Variants in NFX1 observed in about 807,000 individuals in gnomAD.
The protein encoded by NFX1 is nuclear transcription factor, X-box binding 1.
In NFX1, 69 loss-of-function variants were observed where a neutral mutation model predicts 137.2. The ratio of observed to expected loss-of-function variants is 0.50; its 90% CI spans 0.41 to 0.61. NFX1 has a LOEUF of 0.61. Ranked by LOEUF, NFX1 falls within the 20% of genes least tolerant of loss-of-function variation. NFX1 has a pLI of 0.00. For synonymous variants in NFX1, 495 were observed against 474.1 expected, an observed-to-expected ratio of 1.04 and a Z score of -0.57; for missense variants, 1,167 against 1,391.0, an observed-to-expected ratio of 0.84 and a Z score of 2.56.
At chr9:33,296,683 T>C (rs1821366874) in intron 2 of NFX1, among the ~76,000 whole-genome samples, 1 of 152,234 alleles carries the variant, frequency 6.6e-6, no homozygotes, top group Non-Finnish European at 1.5e-5. Context: ...TGCAGTGAGC[T>C]ATTGTACTCC....
chr9:33,302,716 C>T (rs1160127963), intron 3 of NFX1, among the ~76,000 whole-genome samples: 4 of 151,600 alleles, frequency 2.6e-5, no homozygotes, highest in Non-Finnish European at 5.9e-5. Context: ...GTTGCCCAGG[C>T]TGGAGTGCAG....
At chr9:33,294,001 A>C (rs1467871695) in intron 1 of NFX1, among the ~76,000 whole-genome samples, 1 of 152,210 alleles carries the variant, frequency 6.6e-6, no homozygotes, top group Non-Finnish European at 1.5e-5. Flanking sequence ...ACTTTAACCC[A>C]TTTTGGCTTA....
intron 1 of NFX1, among the ~76,000 whole-genome samples, chr9:33,293,671 G>T (rs894287632): frequency 2.0e-5 from 3 of 152,154 alleles, no homozygotes; most frequent in African/African-American, 7.2e-5. Flanking sequence ...TTTTGTCTTT[G>T]TGCTTCAGGG....
At chr9:33,295,578 C>G in intron 2 of NFX1, 151 bp downstream of exon 2, 1 of 889,250 alleles carries the variant, frequency 1.1e-6, no homozygotes, top group Non-Finnish European at 1.7e-6. Flanking sequence ...TAAGTTCTAC[C>G]ACCACTCGCT....
At chr9:33,317,654 T>G (rs1822218579) in intron 7 of NFX1, among the ~76,000 whole-genome samples, 1 of 150,040 alleles carries the variant, frequency 6.7e-6, no homozygotes, top group African/African-American at 2.5e-5. Flanking sequence ...CAAAGTGAGA[T>G]CCTGTCTTTA....
intron 15 of NFX1, chr9:33,347,572 A>C: frequency 5.1e-6 from 1 of 196,198 alleles, no homozygotes; most frequent in East Asian, 1.5e-4. Flanking sequence ...ACACTTTTAC[A>C]CTGCTGGTGG....
chr9:33,366,368 A>T (rs1824169108), intron 21 of NFX1, among the ~76,000 whole-genome samples: 1 of 152,172 alleles, frequency 6.6e-6, no homozygotes. Context: ...CTGTCTACCT[A>T]AGTCGCAGTT....
chr9:33,367,842 C>G (rs544552914), intron 23 of NFX1, among the ~76,000 whole-genome samples: 114 of 152,326 alleles, frequency 7.5e-4, no homozygotes, highest in African/African-American at 2.6e-3. Context: ...AGAGAGCAGT[C>G]ACTGGACATA....
At chr9:33,359,361 G>C (rs12236764) in intron 19 of NFX1, among the ~76,000 whole-genome samples, 21,262 of 152,134 alleles carry the variant, frequency 0.14, 1,826 homozygotes, top group East Asian at 0.21. Flanking sequence ...CACTTTGGGA[G>C]ACTGAGGCGG....
At chr9:33,361,014 G>C (rs1028407274) in intron 19 of NFX1, among the ~76,000 whole-genome samples, 6 of 152,130 alleles carry the variant, frequency 3.9e-5, no homozygotes, top group African/African-American at 1.4e-4. Context: ...GGCACTAAGT[G>C]GCATTTCTGG....
Position 33,352,442 on chromosome 9 carries a change from G to T in NFX1, c.2656-204G>T, listed in dbSNP as rs563258642. 8.9e-6 allele frequency: 6 copies of T among 671,858 alleles called. 1 individual carries two copies. Among genetic ancestry groups the T allele is most frequent in the South Asian group, 7.5e-5 (5 of 66,486 alleles). 41.6% of individuals were successfully genotyped at this position (671,858 alleles called of 1,614,324 possible). On this transcript the variant is annotated intron_variant, in intron 16 of 23. Coordinates refer to ENST00000379540, the MANE Select transcript of NFX1 (RefSeq NM_002504.6). ...GAACAGAGGTGGTTTCCAAAAGGGG[G>T]CATTGTGGACGGGGCAATTCTTTCC...
chr9:33,323,539 G>A (rs1327272565), intron 9 of NFX1, among the ~76,000 whole-genome samples: 6 of 152,226 alleles, frequency 3.9e-5, no homozygotes, highest in Admixed American at 2.0e-4. Flanking sequence ...AGGATCACGA[G>A]GTCAGGAGTT....
chr9:33,328,567 C>T lies in NFX1; in HGVS notation c.1907-14C>T, dbSNP rs374572877. On this transcript the variant is annotated splice_polypyrimidine_tract_variant and intron_variant, in intron 9 of 23. Coordinates refer to ENST00000379540, the MANE Select transcript of NFX1 (RefSeq NM_002504.6). ...TGCAGTTTTCATTTCCAGCTCTTTT[C>T]GTTTTTATTAAAGATTTCATTCATA... 4.8e-5 allele frequency: 76 copies of T among 1,590,192 alleles called. No homozygotes were observed. In the Middle Eastern group the frequency reaches 6.7e-4, roughly 14 times the overall value.
chr9:33,361,436 G>T (rs979528374), intron 19 of NFX1, among the ~76,000 whole-genome samples: 7 of 151,846 alleles, frequency 4.6e-5, no homozygotes, highest in African/African-American at 1.5e-4. Flanking sequence ...CTTATTTTTG[G>T]GGGGGTGAGA....
intron 10 of NFX1, among the ~76,000 whole-genome samples, chr9:33,330,684 A>G (rs2118484474): frequency 6.6e-6 from 1 of 152,248 alleles, no homozygotes; most frequent in South Asian, 2.1e-4. Context: ...CCCTCTTTCT[A>G]TCTCTACGTT....
chr9:33,320,227 A>C (rs1014627775), intron 9 of NFX1, among the ~76,000 whole-genome samples: 3 of 152,148 alleles, frequency 2.0e-5, no homozygotes, highest in Non-Finnish European at 2.9e-5. Context: ...GGCCTCCCAA[A>C]GTGCTGGGAT....
chr9:33,320,335 C>G (rs973082501), intron 9 of NFX1, among the ~76,000 whole-genome samples: 1 of 152,140 alleles, frequency 6.6e-6, no homozygotes, highest in Non-Finnish European at 1.5e-5. Context: ...TAATTTTTCT[C>G]TCATTGACCC....
At chr9:33,357,895 G>T (rs1252230393) in intron 19 of NFX1, among the ~76,000 whole-genome samples, 1 of 151,930 alleles carries the variant, frequency 6.6e-6, no homozygotes, top group Non-Finnish European at 1.5e-5. Context: ...ATATACCCAA[G>T]AAACCTGCTG....
chr9:33,344,292 G>A (rs1587861705), intron 14 of NFX1, 104 bp downstream of exon 14: 1 of 1,512,454 alleles, frequency 6.6e-7, no homozygotes, highest in East Asian at 2.4e-5. Context: ...TGTGATGGCT[G>A]CCCCTTGCTC....
Sources: gnomAD v4.1 joint callset for allele counts (sites outside exome capture counted in the v4.1 genomes callset) on GRCh38, gnomAD v4.1.1 for gene constraint, MANE v1.5 for transcripts, NCBI Gene and HGNC (gene_info 2026-07-23, HGNC 2026-07-21) for gene names.